Variants in SH3RF1 observed in about 807,000 individuals in gnomAD.
SH3RF1 encodes E3 ubiquitin-protein ligase SH3RF1.
In SH3RF1, 32 loss-of-function variants were observed where a neutral mutation model predicts 74.0. The observed-to-expected ratio is 0.43, with a 90% CI of 0.33 to 0.58. The LOEUF is 0.58. Among genes scored for constraint, SH3RF1 ranks in the 20% least tolerant of loss-of-function variants. The pLI is 0.05. For missense variants in SH3RF1, 954 were observed against 1,130.9 expected (o/e 0.84, Z 2.24); for synonymous variants, 396 against 439.6 (o/e 0.90, Z 1.24).
At chr4:169,127,067 C>T (rs558319752) in intron 6 of SH3RF1, among the ~76,000 whole-genome samples, 1 of 152,048 alleles carries the variant, frequency 6.6e-6, no homozygotes. Flanking sequence ...GCAGAAGATA[C>T]GAGACTAAGA....
chr4:169,136,744 G>T, intron 4 of SH3RF1, 124 bp from the exon 5 acceptor site: 1 of 955,018 alleles, frequency 1.0e-6, no homozygotes, highest in Non-Finnish European at 1.4e-6. Context: ...TGCCTATGCA[G>T]TGTCTGTTTT....
At chr4:169,182,470 A>G (rs1288442678) in intron 2 of SH3RF1, among the ~76,000 whole-genome samples, 2 of 152,198 alleles carry the variant, frequency 1.3e-5, no homozygotes, top group African/African-American at 4.8e-5. Flanking sequence ...AAAATTTAAA[A>G]CTTCTTACAA....
At chr4:169,224,422 A>T (rs1028765198) in intron 2 of SH3RF1, among the ~76,000 whole-genome samples, 1 of 151,094 alleles carries the variant, frequency 6.6e-6, no homozygotes, top group African/African-American at 2.4e-5. Flanking sequence ...GGTTCAAGTG[A>T]TTCTCCTGCC....
chr4:169,180,175 C>T (rs185794757), intron 2 of SH3RF1, among the ~76,000 whole-genome samples: 1 of 152,208 alleles, frequency 6.6e-6, no homozygotes, highest in Non-Finnish European at 1.5e-5. Context: ...CAGGCTTTAA[C>T]TGATTCTTTC....
intron 2 of SH3RF1, among the ~76,000 whole-genome samples, chr4:169,170,442 C>T (rs908587586): frequency 7.2e-5 from 11 of 152,080 alleles, no homozygotes; most frequent in African/African-American, 2.7e-4. Context: ...AATTAATAAT[C>T]GGAATACTTT....
intron 4 of SH3RF1, among the ~76,000 whole-genome samples, chr4:169,154,840 T>G (rs112079816): frequency 2.6e-5 from 4 of 152,316 alleles, no homozygotes; most frequent in African/African-American, 9.6e-5. Flanking sequence ...AAATCTACTA[T>G]GAATTGTAAC....
In SH3RF1 at chr4:169,268,830, G is replaced by T. The variant is rs1561069491; in HGVS notation, c.383C>A (p.Pro128His). ...GQQPRVQSWS[P>H]PVRGIPQLPC... ...CTGTAGGCTACTTACCCTCACTGGG[G>T]GGCTCCAGGATTGCACCCGAGGCTG... The change falls in exon 2 of 12, where the codon CCC (proline) becomes CAC (histidine). Residue 128 changes from proline to histidine, a missense_variant. This residue lies in a region of SH3RF1 where 854 missense variants were observed against 962.5 expected (regional missense o/e 0.89). Transcript: ENST00000284637. The T allele has an allele frequency of 1.3e-6, 2 of 1,594,162 alleles. No homozygotes were observed. Among genetic ancestry groups the T allele is most frequent in the South Asian group, 1.1e-5 (1 of 87,542 alleles).
At chr4:169,268,791 T>A in intron 2 of SH3RF1, 29 bp downstream of exon 2, 1 of 1,527,404 alleles carries the variant, frequency 6.5e-7, no homozygotes, top group East Asian at 2.3e-5. Context: ...CCACCTTTAT[T>A]CACCAAACTA....
At chr4:169,108,272 A>G (rs1733180540) in intron 10 of SH3RF1, among the ~76,000 whole-genome samples, 1 of 152,236 alleles carries the variant, frequency 6.6e-6, no homozygotes, top group Non-Finnish European at 1.5e-5. Context: ...ATTAAGGCCC[A>G]CTAACAGGGA....
At chr4:169,106,809 C>A in intron 11 of SH3RF1, 38 bp downstream of exon 11, 1 of 1,463,760 alleles carries the variant, frequency 6.8e-7, no homozygotes, top group South Asian at 1.3e-5. Flanking sequence ...GCCTATTGTT[C>A]ATTTTTTAGT....
chr4:169,135,085 A>C (rs1333361363), intron 5 of SH3RF1, among the ~76,000 whole-genome samples: 3 of 152,080 alleles, frequency 2.0e-5, no homozygotes, highest in Admixed American at 2.0e-4. Context: ...TTGTAATCCC[A>C]CCACTTTGGG....
chr4:169,195,129 G>A (rs1321907290), intron 2 of SH3RF1, among the ~76,000 whole-genome samples: 1 of 152,044 alleles, frequency 6.6e-6, no homozygotes, highest in Non-Finnish European at 1.5e-5. Flanking sequence ...AAATTTTCCA[G>A]TTTGGCTGAA....
intron 6 of SH3RF1, among the ~76,000 whole-genome samples, chr4:169,128,945 A>G (rs1218583241): frequency 2.0e-5 from 3 of 152,186 alleles, no homozygotes; most frequent in African/African-American, 4.8e-5. Flanking sequence ...CCTTTCTATG[A>G]TCTAACTCTG....
chr4:169,134,766 C>T (rs1733669587), intron 5 of SH3RF1, among the ~76,000 whole-genome samples: 1 of 152,190 alleles, frequency 6.6e-6, no homozygotes, highest in African/African-American at 2.4e-5. Flanking sequence ...CCCTCTCTAC[C>T]CATTTTTCAA....
At chr4:169,192,240 T>C (rs111332477) in intron 2 of SH3RF1, among the ~76,000 whole-genome samples, 17,187 of 151,876 alleles carry the variant, frequency 0.11, 1,000 homozygotes, top group Middle Eastern at 0.16. Flanking sequence ...AGGACATGAA[T>C]AGACAGTTCG....
At chr4:169,183,374 G>A (rs901143487) in intron 2 of SH3RF1, among the ~76,000 whole-genome samples, 6 of 152,106 alleles carry the variant, frequency 3.9e-5, no homozygotes, top group Non-Finnish European at 4.4e-5. Context: ...TCCGCCTCCC[G>A]GGTTCAAGTG....
At chr4:169,142,708 C>T (rs533979301) in intron 4 of SH3RF1, among the ~76,000 whole-genome samples, 156 of 152,326 alleles carry the variant, frequency 1.0e-3, no homozygotes, top group African/African-American at 3.5e-3. Context: ...AATGTTCCTT[C>T]CCCAGATAAG....
At chr4:169,198,222 T>G (rs191787870) in intron 2 of SH3RF1, among the ~76,000 whole-genome samples, 124 of 152,328 alleles carry the variant, frequency 8.1e-4, no homozygotes, top group African/African-American at 2.9e-3. Flanking sequence ...GTTTTCAGGT[T>G]ACTGTGGCTT....
At chr4:169,157,071 C>A (rs778827091) in intron 2 of SH3RF1, among the ~76,000 whole-genome samples, 2 of 152,172 alleles carry the variant, frequency 1.3e-5, no homozygotes, top group Non-Finnish European at 2.9e-5. Flanking sequence ...AAATGATAAA[C>A]ACTGAGGAGA....
Sources: allele counts gnomAD v4.1 joint callset (sites outside exome capture counted in the v4.1 genomes callset), GRCh38; gene constraint gnomAD v4.1.1; regional missense constraint gnomAD v4.1.1; transcripts MANE v1.5; gene names NCBI Gene and HGNC (gene_info 2026-07-23, HGNC 2026-07-21).